Variants in INTS11 observed in about 807,000 individuals in gnomAD.
INTS11 encodes the protein CPSF3-like protein.
INTS11 carries 77 observed loss-of-function variants against 78.6 expected under a neutral mutation model. The ratio of observed to expected loss-of-function variants is 0.98; its 90% CI spans 0.81 to 1.18. The LOEUF is 1.18. Among genes scored for constraint, INTS11 ranks in the 50% most tolerant of loss-of-function variants. The probability of loss-of-function intolerance (pLI) is 0.00; values close to 1 mark genes in which losing one functional copy is unlikely to be tolerated. For synonymous variants in INTS11, 441 were observed against 326.9 expected, an observed-to-expected ratio of 1.35 and a Z score of -3.77; for missense variants, 875 against 825.9, an observed-to-expected ratio of 1.06 and a Z score of -0.73.
rs770440424 is a variant in INTS11 at position 1,315,451 on chromosome 1, C to T, written c.529-13G>A. 1.2e-6 allele frequency: 2 copies of T among 1,613,148 alleles called. No homozygotes were observed. Among genetic ancestry groups the T allele is most frequent in the Non-Finnish European group, 8.5e-7 (1 of 1,179,906 alleles). On this transcript the variant is annotated splice_polypyrimidine_tract_variant and intron_variant, in intron 5 of 16. Transcript: ENST00000435064. ...TGTTATAATCACCCTGGTGAACGATCAAGGATGCCATGAGGAGGGTGCCTC... is the reference window on the plus strand; with the variant it reads ...TGTTATAATCACCCTGGTGAACGATTAAGGATGCCATGAGGAGGGTGCCTC...
chr1:1,315,707 G>A (rs560682974), intron 4 of INTS11, 89 bp from the exon 5 acceptor site: 5 of 227,976 alleles, frequency 2.2e-5, no homozygotes, highest in East Asian at 8.2e-5. Context: ...CGCGGGAGGC[G>A]GGGGTGGGGA....
Position 1,313,502 on chromosome 1 carries a change from CCCTCACCAT to C in INTS11, c.1039_1041+6del. The C allele has an allele frequency of 6.2e-7, 1 of 1,612,886 alleles. No individual in the cohort carries two copies. The highest frequency in any genetic ancestry group is 1.6e-4 in the Middle Eastern group (1 of 6,062). On this transcript the variant is annotated splice_donor_variant and splice_donor_5th_base_variant and coding_sequence_variant and intron_variant, in exon 10 of 17. Coordinates refer to ENST00000435064, the MANE Select transcript of INTS11 (RefSeq NM_017871.6). LOFTEE classifies it high-confidence loss of function. ...TTCCAGATTCCCACACCTCACCATG[CCCTCACCAT>C]GTTCTTTTCGTTTCCGGCCCATTTC...
chr1:1,317,492 G>A, intron 4 of INTS11: 2 of 970,444 alleles, frequency 2.1e-6, no homozygotes, highest in South Asian at 9.5e-5. Flanking sequence ...ACACCAGAGG[G>A]AATATCCATC....
chr1:1,323,136 A>T, intron 1 of INTS11: 7 of 1,548,330 alleles, frequency 4.5e-6, no homozygotes, highest in Non-Finnish European at 6.1e-6. Context: ...TTCACAGCAC[A>T]GTGTCCACAC....
At chr1:1,320,100 G>A (rs369119073) in intron 3 of INTS11, 93 of 254,740 alleles carry the variant, frequency 3.7e-4, no homozygotes, top group African/African-American at 1.9e-3. Flanking sequence ...CCAGACCAGC[G>A]GGTCATGAGC....
Position 1,314,971 on chromosome 1 carries a change from CG to C in INTS11, c.564-10del, listed in dbSNP as rs772214806. ...TGTCAATCCAGGCAGCTCTGGAACA[CG>C]GGGGTGGGGGTGTGAGCCACGATGC... is the stretch of plus-strand genomic sequence containing the variant. On this transcript the variant is annotated splice_polypyrimidine_tract_variant and intron_variant, in intron 6 of 16. Transcript: ENST00000435064. The surrounding 1 kb of genome is among the most constrained non-coding windows in gnomAD (Gnocchi z 4.2). 2.5e-6 allele frequency: 4 copies of C among 1,611,414 alleles called. No individual in the cohort carries two copies. Among genetic ancestry groups the C allele is most frequent in the Admixed American group, 3.3e-5 (2 of 59,972 alleles).
In INTS11 at chr1:1,314,148, C is replaced by A. The variant is rs1286317735; in HGVS notation, c.767+153G>T. On this transcript the variant is annotated intron_variant, in intron 8 of 16. Coordinates refer to ENST00000435064, the MANE Select transcript of INTS11 (RefSeq NM_017871.6). This position sits in a 1 kb window ranked among gnomAD's most constrained non-coding sequence, Gnocchi z 4.2. ...GGTGGCGCTGACGGGATGTCACAGGCTTCCTGGGGTCACACAGCACACGAG... is the reference window on the plus strand; with the variant it reads ...GGTGGCGCTGACGGGATGTCACAGGATTCCTGGGGTCACACAGCACACGAG... The A allele has an allele frequency of 1.1e-5, 9 of 830,270 alleles. No homozygotes were observed. The Middle Eastern group carries it at 1.1e-3, about 97-fold the overall frequency. 51.4% of individuals were successfully genotyped at this position (830,270 alleles called of 1,614,324 possible). A position where few individuals can be genotyped will look rare whatever the true frequency, so the allele number is the denominator to read the frequency against.
In INTS11 at chr1:1,314,251, G is replaced by T. The variant is rs1281343358; in HGVS notation, c.767+50C>A. 6.0e-6 allele frequency: 9 copies of T among 1,510,406 alleles called. No homozygotes were observed. The African/African-American group carries it at 1.2e-4, about 21-fold the overall frequency. The allele number at this position is 1,510,406 out of a possible 1,614,324, so 93.6% of individuals were successfully genotyped here. A position where few individuals can be genotyped will look rare whatever the true frequency, so the allele number is the denominator to read the frequency against. ...CAGGGCTGCCCACCAACTGGACTGT[G>T]TTCAGGCCGGGCCAGGGGCTCCTTA... On this transcript the variant is annotated intron_variant, in intron 8 of 16. Coordinates refer to ENST00000435064, the MANE Select transcript of INTS11 (RefSeq NM_017871.6). The surrounding 1 kb of genome is among the most constrained non-coding windows in gnomAD (Gnocchi z 4.2).
chr1:1,318,254 AAGTAGAAAAAATGC>A, intron 4 of INTS11, among the ~76,000 whole-genome samples: 1 of 152,282 alleles, frequency 6.6e-6, no homozygotes, highest in African/African-American at 2.4e-5. Flanking sequence ...CCCAAGTAAA[AAGTAGAAAAAATGC>A]AGGAAGCCCA....
At position 1,314,654 on chromosome 1, in the gene INTS11, G is replaced by A. The variant is rs1355248634; in HGVS notation, c.702+170C>T. 4 of 865,358 alleles carry A rather than the reference G, an allele frequency of 4.6e-6. No homozygotes were observed. In the Admixed American group the frequency reaches 1.1e-4, roughly 23 times the overall value. The allele number at this position is 865,358 out of a possible 1,614,324, so 53.6% of individuals were successfully genotyped here. A position where few individuals can be genotyped will look rare whatever the true frequency, so the allele number is the denominator to read the frequency against. ...GAGGGAAAAGGGGCTCCCTAGGAAAGGGTCTCTGAGTTTTCCTCCTCAATG... is the reference window on the plus strand; with the variant it reads ...GAGGGAAAAGGGGCTCCCTAGGAAAAGGTCTCTGAGTTTTCCTCCTCAATG... On this transcript the variant is annotated intron_variant, in intron 7 of 16. Coordinates refer to ENST00000435064, the MANE Select transcript of INTS11 (RefSeq NM_017871.6). The surrounding 1 kb of genome is among the most constrained non-coding windows in gnomAD (Gnocchi z 4.2).
intron 5 of INTS11, 26 bp from the exon 6 acceptor site, chr1:1,315,464 A>G: frequency 1.2e-6 from 2 of 1,612,896 alleles, no homozygotes; most frequent in Non-Finnish European, 1.7e-6. Context: ...GGATGCCATG[A>G]GGAGGGTGCC....
chr1:1,311,611 G>C lies in INTS11; in HGVS notation c.*248C>G. ...AGAGTACCAAGTAGTCTTTTGTTCA[G>C]CTTTTACTGGAAACTGCTGTCTAGG... On this transcript the variant is annotated 3_prime_UTR_variant, in exon 17 of 17. Transcript: ENST00000435064. The C allele has an allele frequency of 1.4e-6, 1 of 715,230 alleles. No homozygotes were observed. Among genetic ancestry groups the C allele is most frequent in the Non-Finnish European group, 2.5e-6 (1 of 397,534 alleles). The allele number at this position is 715,230 out of a possible 1,614,324, so 44.3% of individuals were successfully genotyped here. A position where few individuals can be genotyped will look rare whatever the true frequency, so the allele number is the denominator to read the frequency against.
rs1642268782 is a variant in INTS11, at chr1:1,312,452, G to C, written c.1452C>G (p.Ile484Met). 2.5e-6 allele frequency: 4 copies of C among 1,571,558 alleles called. No individual in the cohort carries two copies. The highest frequency in any genetic ancestry group is 2.6e-6 in the Non-Finnish European group (3 of 1,158,980). The change falls in exon 14 of 17, where the codon ATC (isoleucine) becomes ATG (methionine). Residue 484 changes from isoleucine to methionine, a missense_variant. Coordinates refer to ENST00000435064, the MANE Select transcript of INTS11 (RefSeq NM_017871.6). ...KKPRLLHGTL[I>M]MKDSNFRLVS... The stretch of plus-strand genomic sequence containing the variant: ...TCCTGGCACTCACGCTGTCCTTCAT[G>C]ATCAGGGTGCCGTGCAGGAGCCGAG...
chr1:1,311,703 A>C lies in INTS11; in HGVS notation c.*156T>G, dbSNP rs1331913600. ...GACCAGTTTGTTTCTTCAGCTGCAA[A>C]CAGCTGCCTGGGCAGGCAGGTGACA... On this transcript the variant is annotated 3_prime_UTR_variant, in exon 17 of 17. Coordinates refer to ENST00000435064, the MANE Select transcript of INTS11 (RefSeq NM_017871.6). 1 of 799,106 alleles carries C rather than the reference A, an allele frequency of 1.3e-6. No individual in the cohort carries two copies. The highest frequency in any genetic ancestry group is 1.6e-5 in the South Asian group (1 of 61,406). The allele number at this position is 799,106 out of a possible 1,614,324, so 49.5% of individuals were successfully genotyped here. A position where few individuals can be genotyped will look rare whatever the true frequency, so the allele number is the denominator to read the frequency against.
rs141649576 is a variant in INTS11 at position 1,319,027 on chromosome 1, A to G, written c.429+269T>C. On this transcript the variant is annotated intron_variant, in intron 4 of 16. Transcript: ENST00000435064. ...AGCCTGTCCCACTCTGGCCATTTCA[A>G]TGCCGCTCGGACAGAGCCTGGTGGG... The G allele has an allele frequency of 7.8e-5, 56 of 717,414 alleles. No homozygotes were observed. The African/African-American group carries it at 8.0e-4, about 10-fold the overall frequency. The allele number at this position is 717,414 out of a possible 1,614,324, so 44.4% of individuals were successfully genotyped here. A position where few individuals can be genotyped will look rare whatever the true frequency, so the allele number is the denominator to read the frequency against.
chr1:1,321,269 C>A (rs893842483), intron 1 of INTS11, among the ~76,000 whole-genome samples, 176 bp from the exon 2 acceptor site: 17 of 152,222 alleles, frequency 1.1e-4, no homozygotes, highest in Non-Finnish European at 1.8e-4. Flanking sequence ...CACAGGGGAC[C>A]ATGCCCCACA....
intron 10 of INTS11, 105 bp from the exon 11 acceptor site, chr1:1,313,229 C>G: frequency 7.7e-7 from 1 of 1,302,042 alleles, no homozygotes; most frequent in Non-Finnish European, 1.1e-6. Flanking sequence ...TTTCCACCTG[C>G]CAGCGGCGCC....
At chr1:1,316,228 ACTGAGATCAC>A in intron 4 of INTS11, 1 of 168,842 alleles carries the variant, frequency 5.9e-6, no homozygotes, top group South Asian at 1.5e-4. Context: ...GTTGCAGTGT[ACTGAGATCAC>A]GCCACTGCAC....
rs558088629 is a variant in INTS11 at position 1,314,049 on chromosome 1, G to A, written c.768-128C>T. 3.2e-5 allele frequency: 31 copies of A among 971,270 alleles called. No homozygotes were observed. Among genetic ancestry groups the A allele is most frequent in the East Asian group, 5.0e-5 (2 of 39,746 alleles). The allele number at this position is 971,270 out of a possible 1,614,324, so 60.2% of individuals were successfully genotyped here. A position where few individuals can be genotyped will look rare whatever the true frequency, so the allele number is the denominator to read the frequency against. On this transcript the variant is annotated intron_variant, in intron 8 of 16. Transcript: ENST00000435064. This position sits in a 1 kb window ranked among gnomAD's most constrained non-coding sequence, Gnocchi z 4.2. ...CACGGGCCAGGTTGAGTCCAGTCGCGACCACTTGTCCCATTAAGCCCTGCA... is the reference window on the plus strand; with the variant it reads ...CACGGGCCAGGTTGAGTCCAGTCGCAACCACTTGTCCCATTAAGCCCTGCA...
Sources: gnomAD v4.1 joint callset for allele counts (sites outside exome capture counted in the v4.1 genomes callset) on GRCh38, gnomAD v4.1.1 for gene constraint, Gnocchi (gnomAD v3.1) non-coding constraint, MANE v1.5 for transcripts, NCBI Gene and HGNC (gene_info 2026-07-23, HGNC 2026-07-21) for gene names.